HDAC9: variants seen among roughly 807,000 people sequenced by gnomAD.
The protein encoded by HDAC9 is histone deacetylase 9, also known as MEF-2 interacting transcription repressor (MITR) protein.
In HDAC9, 41 loss-of-function variants were observed where a neutral mutation model predicts 139.4. The ratio of observed to expected loss-of-function variants is 0.29; its 90% confidence interval spans 0.23 to 0.38. The LOEUF is 0.38. HDAC9 is among the 10% of genes least tolerant of loss of function. HDAC9 has a pLI of 1.00. For missense variants in HDAC9, 1,147 were observed against 1,297.0 expected, an observed-to-expected ratio of 0.88 and a Z score of 1.78; for synonymous variants, 517 against 476.2, an observed-to-expected ratio of 1.09 and a Z score of -1.12.
In HDAC9 at chr7:18,103,493, G is replaced by T. The variant is rs553278570; in HGVS notation, c.-97+16280G>T. ...TTCAGCCCTTTGCGCCATCTCTCTG[G>T]CTCCTCCCTTTTGGAGTCCCCGGTG... On this transcript the variant is annotated intron_variant, in intron 1 of 12. Coordinates refer to the HDAC9 transcript ENST00000417496. Among the ~76,000 whole-genome samples, 5 of 152,118 alleles carry T rather than the reference G, an allele frequency of 3.3e-5. No individual in the cohort carries two copies. The South Asian group carries it at 1.0e-3, about 32-fold the overall frequency.
intron 2 of HDAC9, among the ~76,000 whole-genome samples, chr7:18,558,680 G>T (rs150064965): frequency 6.6e-6 from 1 of 152,170 alleles, no homozygotes; most frequent in Non-Finnish European, 1.5e-5. Flanking sequence ...CACTGAAAGA[G>T]AAGTCTGACT....
chr7:18,230,326 A>G lies in HDAC9; in HGVS notation c.25+67977A>G, dbSNP rs187399230. ...AATAGTTTCAAGTCAGCAACAGCAG[A>G]GCATTGAACCAAGTGTGGGGCTCTT... On this transcript the variant is annotated intron_variant, in intron 2 of 12. Transcript: ENST00000417496. Among the ~76,000 whole-genome samples, 527 of 152,300 alleles carry G rather than the reference A, an allele frequency of 3.5e-3. 2 individuals carry two copies. The highest frequency in any genetic ancestry group is 5.6e-3 in the Non-Finnish European group (382 of 68,010).
At chr7:18,503,213 T>G (rs934801347) in intron 2 of HDAC9, among the ~76,000 whole-genome samples, 18 of 152,280 alleles carry the variant, frequency 1.2e-4, no homozygotes, top group African/African-American at 4.3e-4. Flanking sequence ...GTCCCCCCTG[T>G]TTTTGAAAGG....
chr7:18,606,248 G>C (rs1278378965), intron 6 of HDAC9, among the ~76,000 whole-genome samples: 1 of 151,996 alleles, frequency 6.6e-6, no homozygotes, highest in Non-Finnish European at 1.5e-5. Flanking sequence ...TTTACTTGTG[G>C]TGAGGTTGGG....
chr7:18,289,446 A>C (rs1382655961), upstream of HDAC9, among the ~76,000 whole-genome samples: 2 of 152,206 alleles, frequency 1.3e-5, no homozygotes, highest in African/African-American at 2.4e-5. Context: ...AGCTTACCAA[A>C]TTTAACTCTT....
At chr7:18,554,934 A>G (rs112412040) in intron 2 of HDAC9, among the ~76,000 whole-genome samples, 3 of 152,356 alleles carry the variant, frequency 2.0e-5, no homozygotes, top group African/African-American at 7.2e-5. Flanking sequence ...TATTGCAGGC[A>G]GGAACTATAT....
chr7:18,629,196 G>C (rs1781555087), intron 6 of HDAC9, among the ~76,000 whole-genome samples, 154 bp from the exon 7 acceptor site: 1 of 151,406 alleles, frequency 6.6e-6, no homozygotes, highest in South Asian at 2.1e-4. Context: ...CATTAATGTA[G>C]AGTCAATGCC....
chr7:18,121,322 T>C (rs1784353956), intron 1 of HDAC9, among the ~76,000 whole-genome samples: 1 of 152,150 alleles, frequency 6.6e-6, no homozygotes, highest in Non-Finnish European at 1.5e-5. Context: ...TGTAGGGCTA[T>C]ACTTGCCCGT....
intron 6 of HDAC9, among the ~76,000 whole-genome samples, chr7:18,629,041 A>G (rs1410118764): frequency 6.6e-6 from 1 of 152,200 alleles, no homozygotes; most frequent in East Asian, 1.9e-4. Context: ...ACAATTAGTA[A>G]TTAAACTTCC....
At chr7:18,396,355 G>T (rs989933856) in intron 1 of HDAC9, among the ~76,000 whole-genome samples, 1 of 152,060 alleles carries the variant, frequency 6.6e-6, no homozygotes, top group South Asian at 2.1e-4. Flanking sequence ...AAAGAACTAC[G>T]CAGGTATTGG....
intron 1 of HDAC9, among the ~76,000 whole-genome samples, chr7:18,390,547 T>C (rs1786379401): frequency 6.6e-6 from 1 of 152,222 alleles, no homozygotes; most frequent in Non-Finnish European, 1.5e-5. Context: ...GCTACTCCTC[T>C]CTTTCCACTT....
intron 1 of HDAC9, among the ~76,000 whole-genome samples, chr7:18,340,038 C>G (rs867530794): frequency 3.3e-5 from 5 of 151,394 alleles, no homozygotes; most frequent in African/African-American, 1.2e-4. Flanking sequence ...CCTTGCCATT[C>G]TGTTAATTTT....
intron 1 of HDAC9, among the ~76,000 whole-genome samples, chr7:18,407,690 A>G (rs1030629160): frequency 1.1e-4 from 17 of 152,220 alleles, no homozygotes; most frequent in African/African-American, 4.1e-4. Context: ...GAGCACTAGG[A>G]TGCACCATTC....
At chr7:18,178,455 A>C (rs930886089) in intron 2 of HDAC9, among the ~76,000 whole-genome samples, 3 of 152,286 alleles carry the variant, frequency 2.0e-5, no homozygotes. Flanking sequence ...ATTGTTTGCA[A>C]GACTTGTGGT....
chr7:18,195,114 C>T (rs1328285865), intron 2 of HDAC9, among the ~76,000 whole-genome samples: 1 of 152,116 alleles, frequency 6.6e-6, no homozygotes, highest in Non-Finnish European at 1.5e-5. Context: ...AAAACTTATT[C>T]TCTATCTGAA....
chr7:18,349,169 G>GTA (rs1782655173), intron 1 of HDAC9, among the ~76,000 whole-genome samples: 1 of 151,934 alleles, frequency 6.6e-6, no homozygotes, highest in Admixed American at 6.6e-5. Context: ...GCACTGCACC[G>GTA]TATGTCTTTC....
chr7:18,309,760 T>C (rs369396654), intron 1 of HDAC9, among the ~76,000 whole-genome samples: 8 of 152,138 alleles, frequency 5.3e-5, no homozygotes, highest in East Asian at 1.9e-4. Context: ...TTAATAAAAC[T>C]AAATCACTAG....
intron 2 of HDAC9, among the ~76,000 whole-genome samples, chr7:18,523,493 A>G (rs1440641624): frequency 6.6e-6 from 1 of 152,196 alleles, no homozygotes; most frequent in Non-Finnish European, 1.5e-5. Context: ...GCCATTATTC[A>G]TTCATTAATT....
intron 1 of HDAC9, among the ~76,000 whole-genome samples, chr7:18,448,388 A>T (rs1792491530): frequency 6.6e-6 from 1 of 152,168 alleles, no homozygotes; most frequent in South Asian, 2.1e-4. Flanking sequence ...ATCGTACAAA[A>T]TGCAAGAAAG....
Sources: gnomAD v4.1 joint callset for allele counts (sites outside exome capture counted in the v4.1 genomes callset) on GRCh38, gnomAD v4.1.1 for gene constraint, MANE v1.5 for transcripts, NCBI Gene and HGNC (gene_info 2026-07-23, HGNC 2026-07-21) for gene names.